The following EPHA6 variants were observed in gnomAD, a reference collection of about 807,000 sequenced individuals.
EPHA6 encodes the protein ephrin type-A receptor 6.
A neutral mutation model predicts 112.0 loss-of-function variants in EPHA6; 50 were observed. The ratio of observed to expected loss-of-function variants is 0.45; its 90% CI spans 0.36 to 0.56. The LOEUF (loss-of-function observed/expected upper bound fraction) is 0.56, where lower values mean the gene tolerates loss of function less well. EPHA6 is among the 20% of genes least tolerant of loss of function. EPHA6 has a pLI of 0.00. For missense variants in EPHA6, 1,280 were observed against 1,417.4 expected, an observed-to-expected ratio of 0.90 and a Z score of 1.56; for synonymous variants, 529 against 490.7, an observed-to-expected ratio of 1.08 and a Z score of -1.03.
At chr3:97,615,300 C>CTGAAAGTCTG (rs1255333392) in intron 13 of EPHA6, among the ~76,000 whole-genome samples, 1 of 152,150 alleles carries the variant, frequency 6.6e-6, no homozygotes, top group African/African-American at 2.4e-5. Flanking sequence ...ACACACAGAA[C>CTGAAAGTCTG]TGTGTGAAGT....
chr3:97,560,000 C>T (rs1476454163), intron 11 of EPHA6, among the ~76,000 whole-genome samples: 2 of 151,304 alleles, frequency 1.3e-5, no homozygotes, highest in Non-Finnish European at 3.0e-5. Flanking sequence ...AAAGATACTG[C>T]ATCCATAAAA....
At chr3:97,305,663 A>G in intron 5 of EPHA6, among the ~76,000 whole-genome samples, 1 of 152,178 alleles carries the variant, frequency 6.6e-6, no homozygotes, top group Non-Finnish European at 1.5e-5. Flanking sequence ...TGAGAGCTGA[A>G]CAATGAGAAC....
Position 96,814,727 on chromosome 3 carries a change from G to T in EPHA6, c.104G>T (p.Cys35Phe), listed in dbSNP as rs776392165. The change falls in exon 1 of 18, where the codon TGC (cysteine) becomes TTC (phenylalanine). Residue 35 changes from cysteine to phenylalanine, a missense_variant. This residue lies in a region of EPHA6 where 220 missense variants were observed against 171.5 expected (regional missense o/e 1.28). Transcript: ENST00000389672. ...GCAACTGGGCAGCCTGGACCCTCGT[G>T]CCCTGTTCCCGGGACCTCGCGCAGG... ...APATGQPGPS[C>F]PVPGTSRRGR... 4 of 1,576,548 alleles carry T rather than the reference G, an allele frequency of 2.5e-6. No homozygotes were observed. Among genetic ancestry groups the T allele is most frequent in the Non-Finnish European group, 2.6e-6 (3 of 1,160,876 alleles).
At chr3:97,195,845 C>T (rs2077427052) in intron 3 of EPHA6, among the ~76,000 whole-genome samples, 1 of 152,042 alleles carries the variant, frequency 6.6e-6, no homozygotes, top group Non-Finnish European at 1.5e-5. Flanking sequence ...ACTGGCAAGT[C>T]TGGTGCCAAA....
intron 1 of EPHA6, among the ~76,000 whole-genome samples, chr3:96,828,425 C>G (rs2033807881): frequency 6.6e-6 from 1 of 152,076 alleles, no homozygotes; most frequent in Non-Finnish European, 1.5e-5. Context: ...TTTCTCTTAT[C>G]AGGAAACTCA....
At chr3:96,932,341 G>C (rs1271221762) in intron 2 of EPHA6, among the ~76,000 whole-genome samples, 1 of 151,960 alleles carries the variant, frequency 6.6e-6, no homozygotes, top group Non-Finnish European at 1.5e-5. Flanking sequence ...TTTATCCTTT[G>C]TTTATCCTTT....
rs538278625 is a variant in EPHA6, at chr3:97,227,238, G to A, written c.1270+819G>A. Among the ~76,000 whole-genome samples the A allele has an allele frequency of 9.3e-5, 13 of 140,530 alleles. No homozygotes were observed. In the Admixed American group the frequency reaches 9.4e-4, roughly 10 times the overall value. The allele number at this position is 140,530 out of a possible 152,430, so 92.2% of individuals were successfully genotyped here. ...TAGAGGAGACTTTTTTTTTTTTTTC[G>A]AGACAGAGTTTTGCTCTTGTAGTCC... On this transcript the variant is annotated intron_variant, in intron 4 of 17. Coordinates refer to ENST00000389672, the MANE Select transcript of EPHA6 (RefSeq NM_001080448.3).
At position 97,467,250 on chromosome 3, in the gene EPHA6, A is replaced by AT. The variant is rs995348950; in HGVS notation, c.1895-8100dup. Among the ~76,000 whole-genome samples, 11 of 151,820 alleles carry AT rather than the reference A, an allele frequency of 7.2e-5. No individual in the cohort carries two copies. In the East Asian group the frequency reaches 7.7e-4, roughly 11 times the overall value. ...TGGTGAATGAGAATTTCCTCAAGAA[A>AT]TTATTTAGATTTTTTTTCTAAATAA... is the stretch of plus-strand genomic sequence containing the variant. On this transcript the variant is annotated intron_variant, in intron 7 of 17. Coordinates refer to ENST00000389672, the MANE Select transcript of EPHA6 (RefSeq NM_001080448.3).
rs188766970 is a variant in EPHA6 at position 97,323,699 on chromosome 3, C to T, written c.1606+79412C>T. 2.2e-4 allele frequency among the ~76,000 whole-genome samples: 33 copies of T among 151,842 alleles called. 2 individuals are homozygous for T. Among genetic ancestry groups the T allele is most frequent in the Admixed American group, 1.4e-3 (21 of 15,234 alleles). Reference sequence around the variant, plus strand: ...TTTGAGGTCTGATAAAATTGTAAAACGTAAATGGTCTCTATTGACTTTAAG... The same window carrying T: ...TTTGAGGTCTGATAAAATTGTAAAATGTAAATGGTCTCTATTGACTTTAAG... On this transcript the variant is annotated intron_variant, in intron 5 of 17. Coordinates refer to ENST00000389672, the MANE Select transcript of EPHA6 (RefSeq NM_001080448.3).
Position 97,060,366 on chromosome 3 carries a change from A to G in EPHA6, c.1114+72373A>G, listed in dbSNP as rs1384295492. Among the ~76,000 whole-genome samples the G allele has an allele frequency of 2.6e-5, 4 of 152,186 alleles. No individual in the cohort carries two copies. In the East Asian group the frequency reaches 7.7e-4, roughly 29 times the overall value. On this transcript the variant is annotated intron_variant, in intron 3 of 17. Transcript: ENST00000389672. ...ATTGAAGTAAACTAAGGTATTACAG[A>G]ATATATATACAGAATAAAAAGTAAT... is the stretch of plus-strand genomic sequence containing the variant.
intron 3 of EPHA6, among the ~76,000 whole-genome samples, chr3:97,079,571 A>G (rs1277195277): frequency 2.6e-5 from 4 of 151,164 alleles, no homozygotes; most frequent in African/African-American, 9.8e-5. Context: ...CTGTTTAACA[A>G]TCGTGCACAT....
chr3:97,200,370 C>T (rs890504052), intron 3 of EPHA6, among the ~76,000 whole-genome samples: 3 of 152,032 alleles, frequency 2.0e-5, no homozygotes, highest in East Asian at 1.9e-4. Context: ...TCAGACCATA[C>T]GGCCTCAGGC....
chr3:97,050,409 C>T (rs1298695863), intron 3 of EPHA6, among the ~76,000 whole-genome samples: 2 of 152,098 alleles, frequency 1.3e-5, no homozygotes, highest in African/African-American at 2.4e-5. Flanking sequence ...ACATGTGACT[C>T]GGGCTGGGAT....
chr3:97,400,890 A>G (rs979269156), intron 5 of EPHA6, among the ~76,000 whole-genome samples: 2 of 151,708 alleles, frequency 1.3e-5, no homozygotes, highest in African/African-American at 4.8e-5. Flanking sequence ...CTCCTTTCCA[A>G]TTTGGATACC....
chr3:96,828,554 G>A (rs1576073338), intron 1 of EPHA6, among the ~76,000 whole-genome samples: 1 of 152,186 alleles, frequency 6.6e-6, no homozygotes, highest in Non-Finnish European at 1.5e-5. Context: ...GTTTTTATGA[G>A]TGCTTAGGAA....
intron 6 of EPHA6, among the ~76,000 whole-genome samples, chr3:97,426,717 C>T (rs955219105): frequency 2.0e-5 from 3 of 152,230 alleles, no homozygotes; most frequent in Non-Finnish European, 4.4e-5. Context: ...AACTAAAGAG[C>T]TCCTGCCAAC....
At chr3:97,301,240 A>G (rs2081079007) in intron 5 of EPHA6, among the ~76,000 whole-genome samples, 1 of 152,140 alleles carries the variant, frequency 6.6e-6, no homozygotes, top group Admixed American at 6.6e-5. Flanking sequence ...CATTTTCTCT[A>G]CTTATTCCAC....
intron 14 of EPHA6, among the ~76,000 whole-genome samples, chr3:97,702,703 A>T (rs2033463871): frequency 6.6e-6 from 1 of 152,168 alleles, no homozygotes; most frequent in Non-Finnish European, 1.5e-5. Context: ...TGGTACTTTT[A>T]GCAGGTAGCA....
chr3:97,182,735 T>TGATTTTTA (rs1223516859), intron 3 of EPHA6, among the ~76,000 whole-genome samples: 1 of 152,142 alleles, frequency 6.6e-6, no homozygotes, highest in East Asian at 1.9e-4. Flanking sequence ...GATGTTTTCT[T>TGATTTTTA]CATTGATATT....
Sources: allele counts gnomAD v4.1 joint callset (sites outside exome capture counted in the v4.1 genomes callset), GRCh38; gene constraint gnomAD v4.1.1; regional missense constraint gnomAD v4.1.1; transcripts MANE v1.5; gene names NCBI Gene and HGNC (gene_info 2026-07-23, HGNC 2026-07-21).